OGDH: variants seen among roughly 807,000 people sequenced by gnomAD.
OGDH encodes the protein oxoglutarate dehydrogenase, also known as 2-oxoglutarate dehydrogenase complex component E1.
A neutral mutation model predicts 116.6 loss-of-function variants in OGDH; 38 were observed. The observed-to-expected ratio is 0.33, with a 90% CI of 0.25 to 0.43. The LOEUF is 0.43. OGDH is among the 20% of genes least tolerant of loss of function. OGDH has a pLI of 1.00. For synonymous variants in OGDH, 488 were observed against 533.3 expected (o/e 0.92, Z 1.17); for missense variants, 825 against 1,357.2 (o/e 0.61, Z 6.16).
chr7:44,674,257 C>G (rs909223921), intron 6 of OGDH, among the ~76,000 whole-genome samples, 154 bp from the exon 7 acceptor site: 1 of 152,136 alleles, frequency 6.6e-6, no homozygotes, highest in African/African-American at 2.4e-5. Context: ...GTTGGCCAGG[C>G]TGGTCTCGAA....
chr7:44,691,981 T>TAAAAAA lies in OGDH; in HGVS notation c.1336-1825_1336-1820dup, dbSNP rs371665967. On this transcript the variant is annotated intron_variant, in intron 10 of 22. Coordinates refer to ENST00000222673, the MANE Select transcript of OGDH (RefSeq NM_002541.4). The stretch of plus-strand genomic sequence containing the variant: ...TGGGAGTCACAATGAGACTCTGTCT[T>TAAAAAA]AAAAAAAAAAAAAAAAAAAAAAAAG... 3.5e-4 allele frequency among the ~76,000 whole-genome samples: 36 copies of TAAAAAA among 102,600 alleles called. 1 individual carries two copies. Among genetic ancestry groups the TAAAAAA allele is most frequent in the East Asian group, 3.5e-3 (11 of 3,150 alleles). 67.3% of individuals were successfully genotyped at this position (102,600 alleles called of 152,430 possible). A position where few individuals can be genotyped will look rare whatever the true frequency, so the allele number is the denominator to read the frequency against.
At chr7:44,642,478 T>C (rs1163545768) in intron 2 of OGDH, among the ~76,000 whole-genome samples, 1 of 151,996 alleles carries the variant, frequency 6.6e-6, no homozygotes, top group Non-Finnish European at 1.5e-5. Context: ...ATGTTCCTGA[T>C]TGTTGGGTTA....
intron 2 of OGDH, among the ~76,000 whole-genome samples, chr7:44,639,295 A>G: frequency 6.6e-6 from 1 of 152,224 alleles, no homozygotes; most frequent in East Asian, 1.9e-4. Context: ...TTGCAGGACA[A>G]CAGGGAGGTG....
At chr7:44,683,419 C>T (rs986932172) in intron 10 of OGDH, among the ~76,000 whole-genome samples, 6 of 151,788 alleles carry the variant, frequency 4.0e-5, no homozygotes, top group Non-Finnish European at 7.4e-5. Context: ...TGTGTAGAGG[C>T]GGGATGTCAC....
At chr7:44,691,481 G>A (rs1013177799) in intron 10 of OGDH, among the ~76,000 whole-genome samples, 9 of 148,720 alleles carry the variant, frequency 6.1e-5, no homozygotes, top group East Asian at 4.0e-4. Flanking sequence ...GCAGTGAGCC[G>A]TGATCACACC....
chr7:44,670,425 C>G (rs1787379597), intron 5 of OGDH, among the ~76,000 whole-genome samples: 1 of 152,114 alleles, frequency 6.6e-6, no homozygotes, highest in African/African-American at 2.4e-5. Context: ...GGGTTTGCAA[C>G]TCAGGCATGG....
Position 44,616,047 on chromosome 7 carries a change from C to A in OGDH, c.-27-8270C>A, listed in dbSNP as rs551497818. ...CTGACAGAAAGAAAAAAAAAAAAAA[C>A]CTCAATGCTCTTTCTTTGGGTCCTC... On this transcript the variant is annotated intron_variant, in intron 1 of 22. Coordinates refer to ENST00000222673, the MANE Select transcript of OGDH (RefSeq NM_002541.4). Among the ~76,000 whole-genome samples the A allele has an allele frequency of 8.0e-5, 12 of 150,920 alleles. No individual in the cohort carries two copies. In the South Asian group the frequency reaches 2.5e-3, roughly 32 times the overall value.
At chr7:44,644,600 C>T (rs1367347104) in intron 2 of OGDH, among the ~76,000 whole-genome samples, 2 of 152,192 alleles carry the variant, frequency 1.3e-5, no homozygotes, top group African/African-American at 4.8e-5. Flanking sequence ...GAGCCTACCT[C>T]TTGAATTTGA....
chr7:44,696,883 G>T (rs1329981802), intron 14 of OGDH, 31 bp from the exon 15 acceptor site: 3 of 1,577,508 alleles, frequency 1.9e-6, no homozygotes, highest in African/African-American at 1.3e-5. Flanking sequence ...GGCAGGGCCT[G>T]CAGCAGCTGG....
At chr7:44,651,070 G>T (rs753398222) in intron 4 of OGDH, among the ~76,000 whole-genome samples, 4 of 152,186 alleles carry the variant, frequency 2.6e-5, no homozygotes, top group Non-Finnish European at 4.4e-5. Flanking sequence ...CTCCAGGTAG[G>T]GGGCAGTGAT....
intron 1 of OGDH, among the ~76,000 whole-genome samples, chr7:44,613,174 CTTGTTT>C (rs1214683802): frequency 2.7e-5 from 4 of 149,352 alleles, no homozygotes; most frequent in Admixed American, 6.7e-5. Flanking sequence ...CTGCGCCTGG[CTTGTTT>C]TTGTTTTTGT....
Position 44,708,063 on chromosome 7 carries a change from A to G in OGDH, c.*64A>G. On this transcript the variant is annotated 3_prime_UTR_variant, in exon 23 of 23. Transcript: ENST00000222673. ...ACCCATGACTGCCCCTTGCTTCTCA[A>G]CTAAAGAATAGTGCCTCAGCGCTGC... The G allele has an allele frequency of 6.4e-7, 1 of 1,572,676 alleles. No homozygotes were observed.
At chr7:44,623,361 A>G (rs926353961) in intron 1 of OGDH, among the ~76,000 whole-genome samples, 6 of 152,132 alleles carry the variant, frequency 3.9e-5, no homozygotes, top group African/African-American at 1.2e-4. Context: ...TTCCTCTGCA[A>G]TCTTTTCTAT....
intron 2 of OGDH, among the ~76,000 whole-genome samples, chr7:44,633,278 T>TCAATGGG (rs1785526397): frequency 8.8e-6 from 1 of 114,084 alleles, no homozygotes; most frequent in Non-Finnish European, 1.9e-5. Flanking sequence ...AAAAAAACCC[T>TCAATGGG]CAATGGGAAA....
intron 2 of OGDH, among the ~76,000 whole-genome samples, chr7:44,641,359 G>A (rs1295486471): frequency 6.6e-6 from 1 of 151,346 alleles, no homozygotes; most frequent in Non-Finnish European, 1.5e-5. Context: ...CCAAGTAGCT[G>A]GGACTACAGG....
intron 4 of OGDH, among the ~76,000 whole-genome samples, chr7:44,662,737 C>A (rs1562650352): frequency 1.3e-5 from 2 of 152,216 alleles, no homozygotes; most frequent in Non-Finnish European, 2.9e-5. Context: ...GCTGGGATTA[C>A]CGGCGTGAGC....
intron 1 of OGDH, among the ~76,000 whole-genome samples, 194 bp downstream of exon 1, chr7:44,606,847 C>G (rs1417652327): frequency 1.3e-5 from 2 of 152,070 alleles, no homozygotes; most frequent in African/African-American, 2.4e-5. Flanking sequence ...GATGGATGGC[C>G]GTGGCAGCCA....
chr7:44,610,406 C>T (rs557118893), intron 1 of OGDH, among the ~76,000 whole-genome samples: 3 of 151,254 alleles, frequency 2.0e-5, no homozygotes, highest in East Asian at 2.0e-4. Flanking sequence ...CAGGTTCAAG[C>T]GATTCTTCCG....
rs1487523455 is a variant in OGDH, at chr7:44,708,037, C to T, written c.*38C>T. On this transcript the variant is annotated 3_prime_UTR_variant, in exon 23 of 23. Transcript: ENST00000222673. ...GTTGCTTGGGCCACTGCCCTCTCCACACCCATGACTGCCCCTTGCTTCTCA... is the reference window on the plus strand; with the variant it reads ...GTTGCTTGGGCCACTGCCCTCTCCATACCCATGACTGCCCCTTGCTTCTCA... 4 of 1,598,554 alleles carry T rather than the reference C, an allele frequency of 2.5e-6. No homozygotes were observed. The South Asian group carries it at 4.4e-5, about 18-fold the overall frequency.
Sources: allele counts gnomAD v4.1 joint callset (sites outside exome capture counted in the v4.1 genomes callset), GRCh38; gene constraint gnomAD v4.1.1; transcripts MANE v1.5; gene names NCBI Gene and HGNC (gene_info 2026-07-23, HGNC 2026-07-21).